Variants in STKLD1 observed in about 807,000 individuals in gnomAD.
The protein encoded by STKLD1 is serine/threonine kinase like domain containing 1.
A neutral mutation model predicts 80.4 loss-of-function variants in STKLD1; 79 were observed. The observed-to-expected ratio is 0.98, with a 90% CI of 0.82 to 1.19. STKLD1 has a LOEUF of 1.19. STKLD1 is among the 50% of genes most tolerant of loss of function. STKLD1 has a pLI of 0.00. For synonymous variants in STKLD1, 393 were observed against 357.6 expected (o/e 1.10, Z -1.12); for missense variants, 841 against 856.0 (o/e 0.98, Z 0.22).
intron 11 of STKLD1, 51 bp downstream of exon 11, chr9:133,398,106 C>G: frequency 7.0e-6 from 11 of 1,565,080 alleles, no homozygotes; most frequent in Non-Finnish European, 9.6e-6. Context: ...GGGGCAGAAG[C>G]TATGGTCCGG....
chr9:133,391,841 TA>T (rs2130290318), intron 7 of STKLD1, among the ~76,000 whole-genome samples: 17,401 of 136,482 alleles, frequency 0.13, 1,295 homozygotes, highest in African/African-American at 0.23. Context: ...AATGATCAAT[TA>T]AAAAAAAAAA....
chr9:133,392,607 A>G (rs1335259099), intron 7 of STKLD1, among the ~76,000 whole-genome samples: 1,285 of 69,692 alleles, frequency 0.018, 95 homozygotes, highest in African/African-American at 0.072. Context: ...GGATGGGTGG[A>G]TGGATGGATG....
Position 133,405,541 on chromosome 9 carries a change from C to T in STKLD1, c.*120C>T. 1 of 990,344 alleles carries T rather than the reference C, an allele frequency of 1.0e-6. No individual in the cohort carries two copies. The highest frequency in any genetic ancestry group is 1.4e-6 in the Non-Finnish European group (1 of 699,604). The allele number at this position is 990,344 out of a possible 1,614,324, so 61.3% of individuals were successfully genotyped here. ...ATCAATCTTAAACGGGAGGGGTAATCAGACCTCTCCAAAGAGTTTCCTGTC... is the reference window on the plus strand; with the variant it reads ...ATCAATCTTAAACGGGAGGGGTAATTAGACCTCTCCAAAGAGTTTCCTGTC... On this transcript the variant is annotated 3_prime_UTR_variant, in exon 18 of 18. Coordinates refer to ENST00000371957, the MANE Select transcript of STKLD1 (RefSeq NM_153710.5).
intron 7 of STKLD1, chr9:133,393,833 G>A (rs1198465036): frequency 6.4e-6 from 1 of 155,488 alleles, no homozygotes; most frequent in Non-Finnish European, 1.4e-5. Context: ...GGGACTGATG[G>A]ACTCAGAGGA....
At position 133,398,020 on chromosome 9, in the gene STKLD1, T is replaced by C. The variant is rs587758933; in HGVS notation, c.1046T>C (p.Met349Thr). 3 of 1,613,666 alleles carry C rather than the reference T, an allele frequency of 1.9e-6. No homozygotes were observed. The highest frequency in any genetic ancestry group is 1.1e-5 in the South Asian group (1 of 91,040). The change falls in exon 11 of 18, where the codon ATG (methionine) becomes ACG (threonine). Residue 349 changes from methionine to threonine, a missense_variant. Physicochemically the swap from Met to Thr is moderately conservative, Grantham distance 81 (BLOSUM62 -1). Transcript: ENST00000371957. ...TGGCCCGAAGTCCAGCTCAGGGCCA[T>C]GAAGAGGCTTCTGAAAATGCCTGCA... ...SGWPEVQLRAMKRLLKMPADQ... is the reference protein window; with the variant it reads ...SGWPEVQLRATKRLLKMPADQ...
rs2130248580 is a variant in STKLD1 at position 133,376,503 on chromosome 9, C to T, written c.30C>T (p.Arg10=). MLGPGSNRR[R]PTQGERGPGS... is the part of the protein sequence containing the mutation. ...TTGGGCCAGGGTCCAATCGCAGGCG[C>T]CCCACGCAGGGGGAGCGAGGCCCAG... Residue 10 remains arginine, a synonymous_variant, in exon 1 of 18, where the codon CGC becomes CGT. Transcript: ENST00000371957. The T allele has an allele frequency of 6.3e-7, 1 of 1,598,318 alleles. No individual in the cohort carries two copies. The highest frequency in any genetic ancestry group is 1.3e-5 in the African/African-American group (1 of 74,356).
chr9:133,400,243 G>A (rs1838664286), intron 11 of STKLD1, among the ~76,000 whole-genome samples, 170 bp from the exon 12 acceptor site: 2 of 152,208 alleles, frequency 1.3e-5, no homozygotes, highest in Admixed American at 6.5e-5. Flanking sequence ...ACCCGTGGCA[G>A]ACATGGCATG....
In STKLD1 at chr9:133,389,462, G is replaced by T; in HGVS notation, c.397-64G>T. 1 of 1,588,918 alleles carries T rather than the reference G, an allele frequency of 6.3e-7. No individual in the cohort carries two copies. ...CACCATCCTGCTGGCTGCTCTGAGTGTCACCCCCCTGAAAGCAGCACAGGG... is the reference window on the plus strand; with the variant it reads ...CACCATCCTGCTGGCTGCTCTGAGTTTCACCCCCCTGAAAGCAGCACAGGG... On this transcript the variant is annotated intron_variant, in intron 5 of 17. Coordinates refer to ENST00000371957, the MANE Select transcript of STKLD1 (RefSeq NM_153710.5). This position sits in a 1 kb window ranked among gnomAD's most constrained non-coding sequence, Gnocchi z 6.4.
rs1188184564 is a variant in STKLD1, at chr9:133,389,293, C to G, written c.397-233C>G. On this transcript the variant is annotated intron_variant, in intron 5 of 17. Coordinates refer to ENST00000371957, the MANE Select transcript of STKLD1 (RefSeq NM_153710.5). This position sits in a 1 kb window ranked among gnomAD's most constrained non-coding sequence, Gnocchi z 6.4. ...GCACCCAGGGTCTCTGGTATGGAGACAGCAGTGTGGAGTCTGGAAACTCAG... is the reference window on the plus strand; with the variant it reads ...GCACCCAGGGTCTCTGGTATGGAGAGAGCAGTGTGGAGTCTGGAAACTCAG... 1.0e-6 allele frequency: 1 copy of G among 985,298 alleles called. No homozygotes were observed. Among genetic ancestry groups the G allele is most frequent in the Non-Finnish European group, 1.2e-6 (1 of 829,892 alleles). 61.0% of individuals were successfully genotyped at this position (985,298 alleles called of 1,614,324 possible).
At chr9:133,387,130 T>A (rs1313602031) in intron 4 of STKLD1, among the ~76,000 whole-genome samples, 1 of 152,120 alleles carries the variant, frequency 6.6e-6, no homozygotes, top group African/African-American at 2.4e-5. Flanking sequence ...TGCATAGTTA[T>A]CCCTATGAAG....
chr9:133,405,724 G>A lies in STKLD1; in HGVS notation c.*303G>A. On this transcript the variant is annotated 3_prime_UTR_variant, in exon 18 of 18. Coordinates refer to ENST00000371957, the MANE Select transcript of STKLD1 (RefSeq NM_153710.5). Reference sequence around the variant, plus strand: ...AGCCACCTCTCCCAGCCCACTGGGTGGGGAAGCAGCTCAGCCCTGATGCGG... The same window carrying A: ...AGCCACCTCTCCCAGCCCACTGGGTAGGGAAGCAGCTCAGCCCTGATGCGG... 3.9e-6 allele frequency: 1 copy of A among 258,226 alleles called. No homozygotes were observed. The allele number at this position is 258,226 out of a possible 1,614,324, so 16.0% of individuals were successfully genotyped here.
At chr9:133,395,536 C>T in intron 8 of STKLD1, 64 bp from the exon 9 acceptor site, 1 of 1,547,374 alleles carries the variant, frequency 6.5e-7, no homozygotes, top group East Asian at 2.3e-5. Flanking sequence ...CGTCCCCTGC[C>T]CATGCTGGGA....
chr9:133,404,092 C>G, intron 16 of STKLD1, 44 bp downstream of exon 16: 1 of 1,522,528 alleles, frequency 6.6e-7, no homozygotes, highest in Non-Finnish European at 8.8e-7. Flanking sequence ...GAGGTGGGGG[C>G]AAGAATCAGC....
intron 7 of STKLD1, among the ~76,000 whole-genome samples, chr9:133,393,304 A>T (rs1838463107): frequency 1.1e-5 from 1 of 91,970 alleles, no homozygotes; most frequent in South Asian, 4.2e-4. Flanking sequence ...GGGTCAGTGG[A>T]TGGATAGATG....
At chr9:133,397,406 A>G in intron 10 of STKLD1, 112 bp downstream of exon 10, 1 of 1,394,364 alleles carries the variant, frequency 7.2e-7, no homozygotes, top group Admixed American at 2.0e-5. Context: ...GCCTTGCTCC[A>G]CATGCACGAC....
chr9:133,400,802 C>T (rs193114620), intron 12 of STKLD1, among the ~76,000 whole-genome samples: 1 of 152,358 alleles, frequency 6.6e-6, no homozygotes, highest in South Asian at 2.1e-4. Context: ...CAGACCCCAT[C>T]CTGGATGGCA....
At chr9:133,391,089 GAA>G (rs1396541695) in intron 7 of STKLD1, among the ~76,000 whole-genome samples, 3 of 152,208 alleles carry the variant, frequency 2.0e-5, no homozygotes, top group African/African-American at 7.2e-5. Flanking sequence ...GGAGGGAAAA[GAA>G]AGTGTCAGAA....
rs2130247427 is a variant in STKLD1 at position 133,376,428 on chromosome 9, G to A, written c.-46G>A. The stretch of plus-strand genomic sequence containing the variant: ...CGCGGGTCCCACTGACCCACGCGGG[G>A]TGGGGCCAGGGGTGGACGCTCGCCC... On this transcript the variant is annotated 5_prime_UTR_variant, in exon 1 of 18. In the 5' UTR this introduces an upstream ATG that the reference lacks. Transcript: ENST00000371957. 4 of 1,510,626 alleles carry A rather than the reference G, an allele frequency of 2.6e-6. No homozygotes were observed. The highest frequency in any genetic ancestry group is 2.7e-6 in the Non-Finnish European group (3 of 1,130,690). The allele number at this position is 1,510,626 out of a possible 1,614,324, so 93.6% of individuals were successfully genotyped here.
At chr9:133,402,294 C>T (rs1838728094) in intron 13 of STKLD1, among the ~76,000 whole-genome samples, 1 of 152,166 alleles carries the variant, frequency 6.6e-6, no homozygotes, top group Admixed American at 6.5e-5. Context: ...CACACCTTCA[C>T]CCACAAATCG....
Sources: allele counts gnomAD v4.1 joint callset (sites outside exome capture counted in the v4.1 genomes callset), GRCh38; gene constraint gnomAD v4.1.1; non-coding constraint Gnocchi (gnomAD v3.1); transcripts MANE v1.5; gene names NCBI Gene and HGNC (gene_info 2026-07-23, HGNC 2026-07-21).